Variants in TENM1 observed in about 807,000 individuals in gnomAD.
TENM1 encodes teneurin transmembrane protein 1.
In TENM1, 35 loss-of-function variants were observed where a neutral mutation model predicts 174.8. The observed-to-expected ratio is 0.20, with a 90% confidence interval of 0.15 to 0.27. The LOEUF is 0.27. Among genes scored for constraint, TENM1 ranks in the 10% least tolerant of loss-of-function variants. TENM1 has a pLI of 1.00. For missense variants in TENM1, 1,633 were observed against 2,130.1 expected (o/e 0.77, Z 4.59); for synonymous variants, 781 against 798.7 (o/e 0.98, Z 0.37).
chrX:124,627,893 C>T (rs1475144487), intron 11 of TENM1, among the ~76,000 whole-genome samples: 3 of 111,202 alleles, frequency 2.7e-5, no homozygotes, highest in African/African-American at 9.8e-5. Flanking sequence ...CCTGAGTTTC[C>T]CCAGCCTATA....
intron 27 of TENM1, among the ~76,000 whole-genome samples, chrX:124,395,360 G>A (rs1411939260): frequency 9.2e-6 from 1 of 109,222 alleles, no homozygotes; most frequent in Non-Finnish European, 1.9e-5. Context: ...ACCTCTTTTG[G>A]TTTCAGTTTC....
chrX:124,968,434 C>A (rs2356746), upstream of TENM1, among the ~76,000 whole-genome samples: 1 of 110,226 alleles, frequency 9.1e-6, no homozygotes, highest in Non-Finnish European at 1.9e-5. Context: ...TAATTTTATG[C>A]ATGGAAACCT....
chrX:124,463,877 G>GTGT (rs781695591), intron 22 of TENM1, among the ~76,000 whole-genome samples: 12 of 96,876 alleles, frequency 1.2e-4, no homozygotes, highest in Non-Finnish European at 2.3e-4. Flanking sequence ...GTGTGTGTGT[G>GTGT]GAGAGAGAGA....
chrX:124,636,119 G>A (rs1237938793), intron 11 of TENM1, among the ~76,000 whole-genome samples: 2 of 112,011 alleles, frequency 1.8e-5, no homozygotes, highest in African/African-American at 6.5e-5. Context: ...TAAGCTTCAT[G>A]TGCTTAGTGG....
chrX:124,733,207 G>T (rs1370395320), intron 4 of TENM1, among the ~76,000 whole-genome samples: 1 of 112,199 alleles, frequency 8.9e-6, no homozygotes, highest in Non-Finnish European at 1.9e-5. Context: ...GCTGTCAGTT[G>T]TAAGGGGAAT....
intron 4 of TENM1, among the ~76,000 whole-genome samples, chrX:124,730,477 G>A (rs2053540908): frequency 9.0e-6 from 1 of 111,081 alleles, no homozygotes; most frequent in Non-Finnish European, 1.9e-5. Flanking sequence ...ACCGAGACAT[G>A]GTGATGATAA....
intron 11 of TENM1, among the ~76,000 whole-genome samples, chrX:124,578,705 A>G (rs755872016): frequency 8.0e-4 from 90 of 111,852 alleles, no homozygotes; most frequent in African/African-American, 2.7e-3. Context: ...AAGCCTCCTC[A>G]TCGGCTTCAC....
chrX:124,920,794 T>C (rs768452706), intron 1 of TENM1, among the ~76,000 whole-genome samples: 4 of 110,800 alleles, frequency 3.6e-5, no homozygotes, highest in African/African-American at 9.8e-5. Flanking sequence ...AATTCTTTCA[T>C]TTTTATATGG....
the TENM1 span, among the ~76,000 whole-genome samples, chrX:124,976,355 C>T: frequency 5.4e-5 from 6 of 111,079 alleles, no homozygotes; most frequent in Middle Eastern, 4.2e-3. Flanking sequence ...AATTTAAATC[C>T]GAAAGTTCTG....
chrX:125,027,450 A>T, the TENM1 span, among the ~76,000 whole-genome samples: 4 of 111,820 alleles, frequency 3.6e-5, no homozygotes, highest in African/African-American at 1.3e-4. Flanking sequence ...CATGAATTAG[A>T]AGACTGAACT....
chrX:124,487,994 A>G (rs1364451300), intron 20 of TENM1, among the ~76,000 whole-genome samples: 1 of 112,337 alleles, frequency 8.9e-6, no homozygotes, highest in African/African-American at 3.2e-5. Flanking sequence ...TACATCAACT[A>G]TTAGGGCTTT....
intron 15 of TENM1, among the ~76,000 whole-genome samples, chrX:124,535,366 A>G (rs1418198602): frequency 9.0e-6 from 1 of 111,264 alleles, no homozygotes; most frequent in Non-Finnish European, 1.9e-5. Flanking sequence ...CTGGTTCACA[A>G]TCTTACCCTT....
chrX:125,026,498 C>A, the TENM1 span, among the ~76,000 whole-genome samples: 3 of 111,782 alleles, frequency 2.7e-5, no homozygotes, highest in Non-Finnish European at 5.7e-5. Context: ...TCTATATAAA[C>A]TATTTCAGAG....
intron 3 of TENM1, among the ~76,000 whole-genome samples, chrX:124,795,937 A>G (rs996231437): frequency 9.0e-6 from 1 of 111,005 alleles, no homozygotes; most frequent in Non-Finnish European, 1.9e-5. Flanking sequence ...CCTTTTAAAG[A>G]TTAGTAAGGG....
chrX:124,961,534 C>T (rs754720670), intron 1 of TENM1, among the ~76,000 whole-genome samples: 11 of 111,263 alleles, frequency 9.9e-5, no homozygotes, highest in African/African-American at 3.3e-4. Context: ...ATCCCAGCTA[C>T]TCGGGAGGCT....
At chrX:124,436,497 C>T (rs1603265942) in intron 23 of TENM1, among the ~76,000 whole-genome samples, 1 of 100,978 alleles carries the variant, frequency 9.9e-6, no homozygotes, top group Non-Finnish European at 2.0e-5. Context: ...CTGGCATCTT[C>T]TTTTTTTTTT....
the TENM1 span, among the ~76,000 whole-genome samples, chrX:125,185,051 T>A: frequency 2.8e-5 from 3 of 108,198 alleles, no homozygotes; most frequent in Non-Finnish European, 5.7e-5. Flanking sequence ...GCTCAATACC[T>A]GTTTATTGGA....
At chrX:124,706,768 A>C (rs1212100177) in intron 4 of TENM1, among the ~76,000 whole-genome samples, 1 of 111,518 alleles carries the variant, frequency 9.0e-6, no homozygotes, top group Non-Finnish European at 1.9e-5. Context: ...GTTGTGCTGA[A>C]CACTCATTAG....
chrX:124,486,755 A>C (rs1400446596), intron 21 of TENM1, among the ~76,000 whole-genome samples: 1 of 112,010 alleles, frequency 8.9e-6, no homozygotes, highest in Non-Finnish European at 1.9e-5. Flanking sequence ...TAAAAGAAAA[A>C]AAGAAAAAAG....
Sources: gnomAD v4.1 joint callset for allele counts (sites outside exome capture counted in the v4.1 genomes callset) on GRCh38, gnomAD v4.1.1 for gene constraint, MANE v1.5 for transcripts, NCBI Gene and HGNC (gene_info 2026-07-23, HGNC 2026-07-21) for gene names.